Variants in MEIS1 observed in about 807,000 individuals in gnomAD.
MEIS1 encodes Meis homeobox 1, also known as homeobox protein Meis1.
MEIS1 carries 5 observed loss-of-function variants against 50.8 expected under a neutral mutation model. The ratio of observed to expected loss-of-function variants is 0.10; its 90% CI spans 0.05 to 0.21. The LOEUF (loss-of-function observed/expected upper bound fraction) is 0.21, where lower values mean the gene tolerates loss of function less well. Among genes scored for constraint, MEIS1 ranks in the 10% least tolerant of loss-of-function variants. The pLI, the probability that MEIS1 is intolerant of heterozygous loss-of-function variation, is 1.00. For missense variants in MEIS1, 318 were observed against 517.3 expected, an observed-to-expected ratio of 0.61 and a Z score of 3.74; for synonymous variants, 176 against 179.3, an observed-to-expected ratio of 0.98 and a Z score of 0.15.
intron 5 of MEIS1, among the ~76,000 whole-genome samples, chr2:66,442,476 T>C (rs1384842023): frequency 6.6e-6 from 1 of 152,134 alleles, no homozygotes; most frequent in Non-Finnish European, 1.5e-5. Flanking sequence ...GCCACCACAG[T>C]ACAGGTTCTT....
intron 8 of MEIS1, among the ~76,000 whole-genome samples, chr2:66,515,071 A>G (rs2103859126): frequency 6.6e-6 from 1 of 152,286 alleles, no homozygotes; most frequent in African/African-American, 2.4e-5. Flanking sequence ...AGACTGTACA[A>G]ATTTTAAATG....
chr2:66,538,238 C>T (rs1204707331), intron 8 of MEIS1, among the ~76,000 whole-genome samples: 1 of 152,182 alleles, frequency 6.6e-6, no homozygotes, highest in Non-Finnish European at 1.5e-5. Context: ...CAATTGACTA[C>T]TTAGAGTCAA....
intron 9 of MEIS1, among the ~76,000 whole-genome samples, chr2:66,554,365 G>A (rs1320923689): frequency 6.6e-6 from 1 of 152,162 alleles, no homozygotes; most frequent in African/African-American, 2.4e-5. Context: ...ACAGGCTGTG[G>A]GTCATGCAAC....
At chr2:66,437,631 T>G in intron 1 of MEIS1, 106 bp from the exon 2 acceptor site, 1 of 943,412 alleles carries the variant, frequency 1.1e-6, no homozygotes, top group Non-Finnish European at 1.7e-6. Context: ...GAATTCCGGG[T>G]GGAAGGACCC....
At chr2:66,462,310 A>G (rs1189959345) in intron 6 of MEIS1, among the ~76,000 whole-genome samples, 1 of 152,194 alleles carries the variant, frequency 6.6e-6, no homozygotes, top group Non-Finnish European at 1.5e-5. Flanking sequence ...AGTGAGGGAC[A>G]ACATAAATAA....
At chr2:66,484,733 T>A (rs567873459) in intron 7 of MEIS1, among the ~76,000 whole-genome samples, 73 of 152,110 alleles carry the variant, frequency 4.8e-4, no homozygotes, top group African/African-American at 1.7e-3. Flanking sequence ...TAATTTTTTT[T>A]ATTTTTGGTA....
At chr2:66,542,649 C>T (rs1674683763) in intron 8 of MEIS1, among the ~76,000 whole-genome samples, 2 of 152,178 alleles carry the variant, frequency 1.3e-5, no homozygotes, top group Admixed American at 6.5e-5. Context: ...CAAGAAATTA[C>T]TAATCTGAGG....
chr2:66,472,629 A>G (rs112108511), intron 7 of MEIS1, among the ~76,000 whole-genome samples: 3 of 152,174 alleles, frequency 2.0e-5, no homozygotes, highest in Non-Finnish European at 4.4e-5. Context: ...TGACCCAGAC[A>G]TGGTGAACTC....
intron 8 of MEIS1, among the ~76,000 whole-genome samples, chr2:66,528,266 A>T (rs1192491275): frequency 2.0e-5 from 3 of 152,118 alleles, no homozygotes; most frequent in African/African-American, 7.2e-5. Context: ...CTGGAGGAAA[A>T]ACCTAGAGAA....
chr2:66,563,134 C>A (rs1675259390), intron 9 of MEIS1, among the ~76,000 whole-genome samples: 1 of 152,068 alleles, frequency 6.6e-6, no homozygotes, highest in South Asian at 2.1e-4. Context: ...AATATTAGGA[C>A]CTTAATTGTA....
chr2:66,463,762 C>T (rs1277573857), intron 6 of MEIS1, among the ~76,000 whole-genome samples: 2 of 152,206 alleles, frequency 1.3e-5, no homozygotes, highest in African/African-American at 2.4e-5. Flanking sequence ...TCCAGAGTAG[C>T]AGACTGTTGT....
intron 8 of MEIS1, among the ~76,000 whole-genome samples, chr2:66,529,268 A>C (rs559285303): frequency 7.2e-5 from 11 of 152,222 alleles, no homozygotes; most frequent in African/African-American, 2.4e-4. Context: ...ACATCTTCAG[A>C]GCTGTACTAT....
chr2:66,466,660 A>G (rs895529935), intron 7 of MEIS1, among the ~76,000 whole-genome samples: 4 of 152,222 alleles, frequency 2.6e-5, no homozygotes, highest in Non-Finnish European at 5.9e-5. Context: ...TTTGGCCTGT[A>G]GTACATGTCC....
intron 6 of MEIS1, among the ~76,000 whole-genome samples, chr2:66,461,054 G>A (rs1162040902): frequency 3.3e-5 from 5 of 152,050 alleles, no homozygotes; most frequent in African/African-American, 9.7e-5. Flanking sequence ...GAAGAAAAAA[G>A]CCTCTTTGGG....
intron 3 of MEIS1, 200 bp from the exon 4 acceptor site, chr2:66,440,362 G>C (rs1325461703): frequency 1.6e-6 from 1 of 623,992 alleles, no homozygotes; most frequent in Non-Finnish European, 2.9e-6. Context: ...TTGAGCTCTG[G>C]GCTTGTTTTC....
In MEIS1 at chr2:66,521,360, A is replaced by T. The variant is rs1674115494; in HGVS notation, c.888+9066A>T. ...TAACACAGAATTTAGCTCCTTGAAG[A>T]TTTTTTTTTTTTGCCTGTCACGTGG... On this transcript the variant is annotated intron_variant, in intron 8 of 12. Transcript: ENST00000272369. Among the ~76,000 whole-genome samples the T allele has an allele frequency of 2.0e-5, 3 of 149,546 alleles. No individual in the cohort carries two copies. The South Asian group carries it at 6.3e-4, about 31-fold the overall frequency.
chr2:66,545,588 A>G (rs1006200379), intron 8 of MEIS1, among the ~76,000 whole-genome samples: 5 of 152,296 alleles, frequency 3.3e-5, no homozygotes, highest in African/African-American at 1.2e-4. Context: ...CAATTCTTCA[A>G]CTAGTAGAGA....
At chr2:66,550,907 G>C (rs1327353198) in intron 9 of MEIS1, among the ~76,000 whole-genome samples, 5 of 152,142 alleles carry the variant, frequency 3.3e-5, no homozygotes, top group Non-Finnish European at 5.9e-5. Context: ...TAGTATTTCT[G>C]TGTTTCCCTT....
At chr2:66,464,284 G>A in intron 7 of MEIS1, 64 bp downstream of exon 7, 1 of 1,264,188 alleles carries the variant, frequency 7.9e-7, no homozygotes. Context: ...AATCAGAAAT[G>A]TCTAGTGAGT....
Sources: allele counts gnomAD v4.1 joint callset (sites outside exome capture counted in the v4.1 genomes callset), GRCh38; gene constraint gnomAD v4.1.1; transcripts MANE v1.5; gene names NCBI Gene and HGNC (gene_info 2026-07-23, HGNC 2026-07-21).